ROBO2: variants seen among roughly 807,000 people sequenced by gnomAD.
ROBO2 encodes roundabout guidance receptor 2.
Under a neutral mutation model 160.8 loss-of-function variants are expected in ROBO2, and 53 were observed. The observed-to-expected ratio is 0.33, with a 90% CI of 0.26 to 0.41. The LOEUF (loss-of-function observed/expected upper bound fraction) is 0.41. Ranked by LOEUF, ROBO2 falls within the 10% of genes least tolerant of loss-of-function variation. The pLI is 1.00. For synonymous variants in ROBO2, 664 were observed against 611.7 expected (o/e 1.09, Z -1.26); for missense variants, 1,577 against 1,722.4 (o/e 0.92, Z 1.49).
At chr3:76,982,546 G>C (rs1033437061) in intron 2 of ROBO2, among the ~76,000 whole-genome samples, 1 of 151,962 alleles carries the variant, frequency 6.6e-6, no homozygotes, top group South Asian at 2.1e-4. Flanking sequence ...GATTGTTTTG[G>C]CTATTCTGGA....
chr3:77,212,237 G>A (rs550970614), intron 2 of ROBO2, among the ~76,000 whole-genome samples: 30 of 152,098 alleles, frequency 2.0e-4, no homozygotes, highest in African/African-American at 5.8e-4. Context: ...TGTTTGTATC[G>A]TCTTTTATTT....
chr3:76,054,821 A>G (rs2107835307), intron 2 of ROBO2, among the ~76,000 whole-genome samples: 1 of 152,284 alleles, frequency 6.6e-6, no homozygotes, highest in South Asian at 2.1e-4. Context: ...TCCTCTTGGT[A>G]TGCTTGCTTA....
chr3:76,732,550 T>C (rs2093652530), intron 2 of ROBO2, among the ~76,000 whole-genome samples: 1 of 152,126 alleles, frequency 6.6e-6, no homozygotes, highest in Non-Finnish European at 1.5e-5. Flanking sequence ...TCTCCTCCAG[T>C]TGATTTTTAA....
intron 2 of ROBO2, among the ~76,000 whole-genome samples, chr3:77,349,301 G>A (rs1229203157): frequency 6.6e-6 from 1 of 152,106 alleles, no homozygotes; most frequent in Non-Finnish European, 1.5e-5. Context: ...ATCTTGCCCA[G>A]GGTCACAAAA....
intron 2 of ROBO2, among the ~76,000 whole-genome samples, chr3:76,372,184 C>A (rs2076138250): frequency 6.6e-6 from 1 of 151,844 alleles, no homozygotes; most frequent in African/African-American, 2.4e-5. Flanking sequence ...TTTCCACAAC[C>A]AGGACTATAC....
rs543176851 is a variant in ROBO2 at position 76,077,603 on chromosome 3, GA to G, written c.109+140003del. On this transcript the variant is annotated intron_variant, in intron 2 of 26. Transcript: ENST00000487694. ...ATAATAATAATAATAAAATCATAAT[GA>G]ATTTTCAATATAAAGATTCTTCTTG... Among the ~76,000 whole-genome samples, 664 of 151,936 alleles carry G rather than the reference GA, an allele frequency of 4.4e-3. 7 individuals carry two copies. The highest frequency in any genetic ancestry group is 0.015 in the African/African-American group (633 of 41,460).
intron 2 of ROBO2, among the ~76,000 whole-genome samples, chr3:76,138,953 A>G (rs903770360): frequency 6.6e-6 from 1 of 152,146 alleles, no homozygotes; most frequent in Non-Finnish European, 1.5e-5. Context: ...AGATTTACTT[A>G]TATGGAATTT....
chr3:77,152,007 A>G (rs1295088980), intron 2 of ROBO2, among the ~76,000 whole-genome samples: 2 of 152,126 alleles, frequency 1.3e-5, no homozygotes, highest in Non-Finnish European at 2.9e-5. Flanking sequence ...GTTTTACTAC[A>G]TTACTTGAAA....
intron 2 of ROBO2, among the ~76,000 whole-genome samples, chr3:76,194,363 T>A (rs1405804613): frequency 4.2e-5 from 5 of 118,652 alleles, no homozygotes; most frequent in Non-Finnish European, 7.0e-5. Context: ...AATATATATA[T>A]ATATATATAT....
chr3:76,493,912 A>G (rs942480990), intron 2 of ROBO2, among the ~76,000 whole-genome samples: 6 of 152,160 alleles, frequency 3.9e-5, no homozygotes, highest in African/African-American at 1.4e-4. Context: ...AAATGAATGC[A>G]TCTAAAGAGA....
intron 2 of ROBO2, among the ~76,000 whole-genome samples, chr3:76,433,018 C>T (rs1282895946): frequency 6.6e-6 from 1 of 152,160 alleles, no homozygotes; most frequent in Non-Finnish European, 1.5e-5. Context: ...ACTGTGACCA[C>T]CATCTCAAAA....
At chr3:76,081,255 T>C (rs2068819156) in intron 2 of ROBO2, among the ~76,000 whole-genome samples, 1 of 152,092 alleles carries the variant, frequency 6.6e-6, no homozygotes, top group Non-Finnish European at 1.5e-5. Flanking sequence ...CAATCTATGG[T>C]TCTAAAACAT....
intron 2 of ROBO2, among the ~76,000 whole-genome samples, chr3:76,176,269 A>T (rs2073227439): frequency 6.6e-6 from 1 of 152,116 alleles, no homozygotes; most frequent in Admixed American, 6.6e-5. Context: ...ACTGATTGCA[A>T]TGTGTTTCAT....
intron 14 of ROBO2, 152 bp from the exon 16 acceptor site, chr3:77,577,338 C>T (rs1559649582): frequency 4.8e-6 from 4 of 827,348 alleles, no homozygotes; most frequent in Non-Finnish European, 5.9e-6. Context: ...GAACATTTCT[C>T]AAAAAAACTG....
At chr3:77,408,128 C>T (rs1217285213) in intron 2 of ROBO2, among the ~76,000 whole-genome samples, 1 of 151,940 alleles carries the variant, frequency 6.6e-6, no homozygotes, top group Non-Finnish European at 1.5e-5. Flanking sequence ...AAAAAACCTT[C>T]CATGAACTGC....
intron 2 of ROBO2, among the ~76,000 whole-genome samples, chr3:77,190,626 T>A (rs765623167): frequency 3.3e-5 from 5 of 152,044 alleles, no homozygotes; most frequent in Non-Finnish European, 7.4e-5. Context: ...GGAAGTCTTG[T>A]GTTTTGGCTG....
At chr3:76,959,620 T>A (rs1039514942) in intron 2 of ROBO2, among the ~76,000 whole-genome samples, 6 of 152,160 alleles carry the variant, frequency 3.9e-5, no homozygotes, top group African/African-American at 1.4e-4. Context: ...TCTCTCTCAT[T>A]ACAGATTAAT....
chr3:77,502,674 G>A (rs752122845), intron 5 of ROBO2, among the ~76,000 whole-genome samples: 2 of 151,976 alleles, frequency 1.3e-5, no homozygotes, highest in Non-Finnish European at 2.9e-5. Flanking sequence ...ACATTAAAAA[G>A]CAACAATAAA....
At chr3:76,473,373 T>C (rs2078769184) in intron 2 of ROBO2, among the ~76,000 whole-genome samples, 1 of 152,258 alleles carries the variant, frequency 6.6e-6, no homozygotes, top group East Asian at 1.9e-4. Context: ...GTGTAATGGA[T>C]TCACACCTAC....
Sources: allele counts gnomAD v4.1 joint callset (sites outside exome capture counted in the v4.1 genomes callset), GRCh38; gene constraint gnomAD v4.1.1; transcripts MANE v1.5; gene names NCBI Gene and HGNC (gene_info 2026-07-23, HGNC 2026-07-21).